CSMD1: variants seen among roughly 807,000 people sequenced by gnomAD.
CSMD1 encodes CUB and Sushi multiple domains 1.
In CSMD1, 213 loss-of-function variants were observed where a neutral mutation model predicts 417.5. That is an observed-to-expected ratio of 0.51 (90% CI 0.46 to 0.57). The LOEUF is 0.57. Ranked by LOEUF, CSMD1 falls within the 20% of genes least tolerant of loss-of-function variation. CSMD1 has a pLI of 0.00. For synonymous variants in CSMD1, 2,862 were observed against 1,736.8 expected, an observed-to-expected ratio of 1.65 and a Z score of -16.11; for missense variants, 6,923 against 4,529.7, an observed-to-expected ratio of 1.53 and a Z score of -15.17.
chr8:2,965,407 C>T (rs1803867279), intron 59 of CSMD1, among the ~76,000 whole-genome samples: 1 of 152,134 alleles, frequency 6.6e-6, no homozygotes, highest in African/African-American at 2.4e-5. Flanking sequence ...CCTCTAAATT[C>T]CTACAATTAG....
At chr8:3,194,071 T>C (rs1269618730) in intron 33 of CSMD1, among the ~76,000 whole-genome samples, 1 of 152,138 alleles carries the variant, frequency 6.6e-6, no homozygotes, top group Non-Finnish European at 1.5e-5. Context: ...CGTTGGAAAA[T>C]CAGGTTGGAC....
At chr8:4,838,442 G>C (rs775701002) in intron 1 of CSMD1, among the ~76,000 whole-genome samples, 2 of 152,196 alleles carry the variant, frequency 1.3e-5, no homozygotes, top group Non-Finnish European at 2.9e-5. Context: ...TCAAACCAGA[G>C]GGAAGGGAAA....
At chr8:4,504,339 G>T (rs1224359374) in intron 2 of CSMD1, among the ~76,000 whole-genome samples, 3 of 152,054 alleles carry the variant, frequency 2.0e-5, no homozygotes, top group Admixed American at 1.3e-4. Flanking sequence ...ATGGAGAATT[G>T]CTATTTAAGG....
chr8:3,916,279 G>T (rs28445969), intron 5 of CSMD1, among the ~76,000 whole-genome samples: 2 of 151,986 alleles, frequency 1.3e-5, no homozygotes, highest in Non-Finnish European at 2.9e-5. Context: ...AAGCTTTTGT[G>T]GAAAGTCTCA....
chr8:3,565,744 T>C (rs1799677883), intron 10 of CSMD1, among the ~76,000 whole-genome samples: 1 of 152,208 alleles, frequency 6.6e-6, no homozygotes. Context: ...CAGTTGTTCA[T>C]TAAGAAACGT....
chr8:4,624,000 T>G (rs1159423770), intron 2 of CSMD1, among the ~76,000 whole-genome samples: 1 of 152,154 alleles, frequency 6.6e-6, no homozygotes, highest in African/African-American at 2.4e-5. Context: ...AATATACCTT[T>G]AAATGTGAAT....
intron 1 of CSMD1, among the ~76,000 whole-genome samples, chr8:4,794,862 C>T (rs1797888330): frequency 6.6e-6 from 1 of 152,080 alleles, no homozygotes; most frequent in Non-Finnish European, 1.5e-5. Flanking sequence ...GAACTGGAGT[C>T]AGGTGATGAT....
At chr8:3,549,929 G>A (rs147553390) in intron 10 of CSMD1, among the ~76,000 whole-genome samples, 67 of 152,312 alleles carry the variant, frequency 4.4e-4, no homozygotes, top group African/African-American at 1.6e-3. Flanking sequence ...TTTATTGAAA[G>A]AAAATTCAGG....
intron 11 of CSMD1, among the ~76,000 whole-genome samples, chr8:3,472,900 T>G (rs1817186416): frequency 1.3e-5 from 2 of 152,086 alleles, no homozygotes; most frequent in Admixed American, 1.3e-4. Context: ...GGAGTTTATT[T>G]TCCTCGTACT....
At chr8:4,431,374 T>C (rs557557480) in intron 2 of CSMD1, among the ~76,000 whole-genome samples, 1 of 152,270 alleles carries the variant, frequency 6.6e-6, no homozygotes, top group Middle Eastern at 3.4e-3. Flanking sequence ...TTGGGAGGAA[T>C]TCATTGCACT....
chr8:3,448,787 G>C (rs999623260), intron 12 of CSMD1, among the ~76,000 whole-genome samples: 9 of 152,170 alleles, frequency 5.9e-5, no homozygotes, highest in Non-Finnish European at 1.3e-4. Flanking sequence ...AGGCAATAGT[G>C]AGTGACTTAT....
chr8:4,023,865 C>A (rs1796920912), intron 4 of CSMD1, among the ~76,000 whole-genome samples: 1 of 144,658 alleles, frequency 6.9e-6, no homozygotes, highest in African/African-American at 2.6e-5. Context: ...GATCTGCCCG[C>A]CTTGGCCTCC....
At chr8:3,340,607 C>T (rs1216601170) in intron 23 of CSMD1, among the ~76,000 whole-genome samples, 4 of 152,068 alleles carry the variant, frequency 2.6e-5, no homozygotes, top group Admixed American at 6.6e-5. Context: ...TTTATCTAAC[C>T]GGTCATCATT....
chr8:4,076,684 A>G (rs1799838108), intron 3 of CSMD1, among the ~76,000 whole-genome samples: 1 of 152,204 alleles, frequency 6.6e-6, no homozygotes, highest in South Asian at 2.1e-4. Flanking sequence ...CAAACAAAAC[A>G]TTTAGCCATA....
chr8:3,436,907 C>T (rs1814601780), intron 12 of CSMD1, among the ~76,000 whole-genome samples: 1 of 151,942 alleles, frequency 6.6e-6, no homozygotes, highest in Non-Finnish European at 1.5e-5. Context: ...TTTTCTCAGC[C>T]ACTTTATGTA....
intron 1 of CSMD1, among the ~76,000 whole-genome samples, chr8:4,777,280 G>A (rs1454179960): frequency 2.0e-5 from 3 of 152,192 alleles, no homozygotes; most frequent in Non-Finnish European, 1.5e-5. Flanking sequence ...AAACAATTAA[G>A]TCTAATTGAC....
intron 3 of CSMD1, among the ~76,000 whole-genome samples, chr8:4,409,306 T>G (rs1413268607): frequency 6.6e-6 from 1 of 151,906 alleles, no homozygotes; most frequent in Non-Finnish European, 1.5e-5. Context: ...AATATATGTG[T>G]TTTTTCTTCT....
intron 52 of CSMD1, among the ~76,000 whole-genome samples, chr8:3,015,622 C>T (rs1180105992): frequency 1.3e-5 from 2 of 151,884 alleles, no homozygotes; most frequent in African/African-American, 4.8e-5. Flanking sequence ...ATATATATCT[C>T]CTTACCAACT....
chr8:4,672,284 C>T (rs555145015), intron 1 of CSMD1, among the ~76,000 whole-genome samples: 5 of 152,194 alleles, frequency 3.3e-5, no homozygotes, highest in Admixed American at 2.6e-4. Context: ...TTGTGCTCTC[C>T]CAAATGAAAA....
Sources: gnomAD v4.1 joint callset for allele counts (sites outside exome capture counted in the v4.1 genomes callset) on GRCh38, gnomAD v4.1.1 for gene constraint, MANE v1.5 for transcripts, NCBI Gene and HGNC (gene_info 2026-07-23, HGNC 2026-07-21) for gene names.